MAGED1: variants seen among roughly 807,000 people sequenced by gnomAD.
MAGED1 encodes the protein melanoma-associated antigen D1.
MAGED1 carries 3 observed loss-of-function variants against 54.1 expected under a neutral mutation model. The observed-to-expected ratio is 0.06, with a 90% CI of 0.03 to 0.14. The LOEUF (loss-of-function observed/expected upper bound fraction) is 0.14, where lower values mean the gene tolerates loss of function less well. Among genes scored for constraint, MAGED1 ranks in the 10% least tolerant of loss-of-function variants. The probability of loss-of-function intolerance (pLI) is 1.00; values close to 1 mark genes in which losing one functional copy is unlikely to be tolerated. For synonymous variants in MAGED1, 217 were observed against 227.3 expected (o/e 0.95, Z 0.41); for missense variants, 485 against 623.4 (o/e 0.78, Z 2.36).
At position 51,896,568 on chromosome X, in the gene MAGED1, C is replaced by T. The variant is rs144665907; in HGVS notation, c.913C>T (p.Pro305Ser). The change falls in exon 4 of 13, where the codon CCC becomes TCC. Residue 305 changes from proline (P) to serine (S), a missense_variant. Coordinates refer to ENST00000326587, the MANE Select transcript of MAGED1 (RefSeq NM_006986.4). ...LWQTPLAWQN[P>S]SGWQNQTARQ... ...GCAGACGCCATTGGCTTGGCAGAAC[C>T]CCTCAGGCTGGCAAAACCAGACAGC... The T allele has an allele frequency of 3.2e-4, 383 of 1,210,159 alleles. 2 individuals are homozygous for T. Among genetic ancestry groups the T allele is most frequent in the Non-Finnish European group, 4.2e-4 (373 of 895,236 alleles).
At chrX:51,888,556 G>A (rs782207712), upstream of MAGED1, among the ~76,000 whole-genome samples, 2 of 112,053 alleles carry the variant, frequency 1.8e-5, no homozygotes, top group South Asian at 3.7e-4. Flanking sequence ...GGAAAGTTTG[G>A]TAATTTCTTG....
At chrX:51,864,193 T>A (rs200611232) in intron 1 of MAGED1, among the ~76,000 whole-genome samples, 9,321 of 106,477 alleles carry the variant, frequency 0.088, 446 homozygotes, top group Non-Finnish European at 0.13. Context: ...AGAGAGAGTG[T>A]GTGTGTGTGT....
chrX:51,901,157 T>C (rs782264540), intron 11 of MAGED1, among the ~76,000 whole-genome samples: 1 of 112,063 alleles, frequency 8.9e-6, no homozygotes, highest in South Asian at 3.7e-4. Flanking sequence ...CGTCATGCTA[T>C]ACGGTTGATC....
intron 1 of MAGED1, among the ~76,000 whole-genome samples, chrX:51,807,080 C>T (rs782457434): frequency 8.9e-6 from 1 of 111,900 alleles, no homozygotes; most frequent in South Asian, 3.8e-4. Context: ...AGCCACTGCA[C>T]CTGGCCAGAA....
chrX:51,885,182 C>CA (rs1358919838), intron 1 of MAGED1, among the ~76,000 whole-genome samples: 1 of 111,203 alleles, frequency 9.0e-6, no homozygotes, highest in African/African-American at 3.3e-5. Flanking sequence ...ATTTACATTC[C>CA]AAAAAAAATG....
chrX:51,809,993 T>C (rs1925164292), intron 1 of MAGED1, among the ~76,000 whole-genome samples: 1 of 112,142 alleles, frequency 8.9e-6, no homozygotes, highest in Admixed American at 9.5e-5. Flanking sequence ...TCAGTGTTCA[T>C]AGTAATGAGT....
chrX:51,861,236 A>C (rs1280425569), intron 1 of MAGED1, among the ~76,000 whole-genome samples: 3 of 111,415 alleles, frequency 2.7e-5, no homozygotes, highest in Non-Finnish European at 5.6e-5. Flanking sequence ...TTTATTTTGA[A>C]TTTTTTTATT....
In MAGED1 at chrX:51,895,741, G is replaced by C. The variant is rs1557364167; in HGVS notation, c.734G>C (p.Arg245Pro). The change falls in exon 3 of 13, where the codon CGG (arginine) becomes CCG (proline). Residue 245 changes from arginine (R) to proline (P), a missense_variant. By Grantham distance (103) the Arg-to-Pro change is moderately radical. This residue lies in a region of MAGED1 where 299 missense variants were observed against 293.1 expected (regional missense o/e 1.02). Transcript: ENST00000326587. Reference protein sequence around the residue: ...AQNLESRTIIRGKRTRKINNL... With the variant: ...AQNLESRTIIPGKRTRKINNL... ...AATCTGGAGTCCCGGACAATAATTC[G>C]GGGCAAGAGGACCCGCAAGGTGAGA... The C allele has an allele frequency of 1.7e-6, 2 of 1,173,032 alleles. No homozygotes were observed. The highest frequency in any genetic ancestry group is 1.8e-5 in the African/African-American group (1 of 56,223).
intron 1 of MAGED1, among the ~76,000 whole-genome samples, chrX:51,838,155 T>C (rs782015891): frequency 7.9e-4 from 89 of 112,667 alleles, no homozygotes; most frequent in Non-Finnish European, 1.4e-3. Flanking sequence ...TACTTTCCGC[T>C]GTCTCAGTGC....
intron 1 of MAGED1, among the ~76,000 whole-genome samples, chrX:51,847,300 C>T (rs1379763778): frequency 4.5e-5 from 5 of 111,474 alleles, no homozygotes; most frequent in Non-Finnish European, 9.4e-5. Flanking sequence ...TGGACATATA[C>T]CCCTAAAATA....
chrX:51,816,239 C>G (rs781998351), intron 1 of MAGED1, among the ~76,000 whole-genome samples: 1 of 110,234 alleles, frequency 9.1e-6, no homozygotes, highest in Non-Finnish European at 1.9e-5. Context: ...CTCGCCCTCC[C>G]GAGTAGCTGG....
chrX:51,805,627 T>A (rs782185927), intron 1 of MAGED1, among the ~76,000 whole-genome samples: 154 of 109,911 alleles, frequency 1.4e-3, no homozygotes, highest in Admixed American at 2.5e-3. Context: ...ATAATGCCTC[T>A]TTTTACCAGA....
intron 1 of MAGED1, among the ~76,000 whole-genome samples, chrX:51,833,226 T>G (rs1424670794): frequency 2.7e-5 from 3 of 109,468 alleles, no homozygotes; most frequent in Admixed American, 2.0e-4. Flanking sequence ...TTTCAGGAGG[T>G]AAAAAGTGGT....
chrX:51,889,838 TA>T (rs782813960), upstream of MAGED1, among the ~76,000 whole-genome samples: 9 of 110,969 alleles, frequency 8.1e-5, no homozygotes, highest in Non-Finnish European at 1.5e-4. Flanking sequence ...AACAAAGTGT[TA>T]GGTCTAAGTT....
intron 1 of MAGED1, among the ~76,000 whole-genome samples, chrX:51,853,040 C>T (rs1318875169): frequency 9.0e-6 from 1 of 111,352 alleles, no homozygotes; most frequent in Non-Finnish European, 1.9e-5. Flanking sequence ...GTACTTTCCG[C>T]CCTTTTGTAT....
intron 1 of MAGED1, among the ~76,000 whole-genome samples, chrX:51,831,357 A>G (rs1417018552): frequency 8.9e-6 from 1 of 112,109 alleles, no homozygotes; most frequent in Non-Finnish European, 1.9e-5. Context: ...TAAGCCTATA[A>G]TCCCAGCACT....
At chrX:51,850,757 A>G (rs1339021541) in intron 1 of MAGED1, among the ~76,000 whole-genome samples, 8 of 110,573 alleles carry the variant, frequency 7.2e-5, no homozygotes, top group African/African-American at 2.3e-4. Context: ...AAAATTAGCC[A>G]GGCATGGTGG....
intron 1 of MAGED1, among the ~76,000 whole-genome samples, chrX:51,841,893 G>A (rs1557358656): frequency 9.0e-6 from 1 of 111,590 alleles, no homozygotes; most frequent in East Asian, 2.8e-4. Flanking sequence ...TTATTCTTTT[G>A]GCTTAGGATT....
At chrX:51,894,798 C>G (rs782686787) in intron 2 of MAGED1, 60 of 1,139,034 alleles carry the variant, frequency 5.3e-5, no homozygotes, top group Non-Finnish European at 4.4e-5. Context: ...GGCTCCTGTT[C>G]GTGCCCACTT....
Sources: gnomAD v4.1 joint callset for allele counts (sites outside exome capture counted in the v4.1 genomes callset) on GRCh38, gnomAD v4.1.1 for gene constraint, gnomAD v4.1.1 regional missense constraint, MANE v1.5 for transcripts, NCBI Gene and HGNC (gene_info 2026-07-23, HGNC 2026-07-21) for gene names.